The following LHFPL6 variants were observed in gnomAD, a reference collection of about 807,000 sequenced individuals.
LHFPL6 encodes LHFPL tetraspan subfamily member 6.
Under a neutral mutation model 20.6 loss-of-function variants are expected in LHFPL6, and 9 were observed. The observed-to-expected ratio is 0.44, with a 90% CI of 0.26 to 0.76. LHFPL6 has a LOEUF of 0.76. LHFPL6 is among the 30% of genes least tolerant of loss of function. The probability of loss-of-function intolerance (pLI) is 0.20; values close to 1 mark genes in which losing one functional copy is unlikely to be tolerated. For missense variants in LHFPL6, 218 were observed against 253.5 expected, an observed-to-expected ratio of 0.86 and a Z score of 0.95; for synonymous variants, 105 against 98.7, an observed-to-expected ratio of 1.06 and a Z score of -0.38.
chr13:39,560,235 T>G (rs1484475570), intron 2 of LHFPL6, among the ~76,000 whole-genome samples: 1 of 152,236 alleles, frequency 6.6e-6, no homozygotes, highest in African/African-American at 2.4e-5. Context: ...ATGAATTAAA[T>G]GAATGACTTC....
rs138279815 is a variant in LHFPL6 at position 39,482,378 on chromosome 13, G to A, written c.386-103852C>T. Reference sequence around the variant, plus strand: ...AGAATCATTTGAACCTAGGGGTGGAGGTTGTGGTGAGCCAAGATCGTGCCA... The same window carrying A: ...AGAATCATTTGAACCTAGGGGTGGAAGTTGTGGTGAGCCAAGATCGTGCCA... On this transcript the variant is annotated intron_variant, in intron 2 of 3. Transcript: ENST00000379589. 5.9e-5 allele frequency among the ~76,000 whole-genome samples: 9 copies of A among 152,188 alleles called. No individual in the cohort carries two copies. In the East Asian group the frequency reaches 1.5e-3, roughly 26 times the overall value.
In LHFPL6 at chr13:39,560,240, G is replaced by A. The variant is rs145299208; in HGVS notation, c.385+40592C>T. 3.7e-3 allele frequency among the ~76,000 whole-genome samples: 565 copies of A among 152,314 alleles called. 1 individual carries two copies. The highest frequency in any genetic ancestry group is 0.024 in the Middle Eastern group (7 of 294). On this transcript the variant is annotated intron_variant, in intron 2 of 3. Coordinates refer to ENST00000379589, the MANE Select transcript of LHFPL6 (RefSeq NM_005780.3). Reference sequence around the variant, plus strand: ...TAGTGCTTCAATGAATTAAATGAATGACTTCCTCTTCACAATTCTTTGATG... The same window carrying A: ...TAGTGCTTCAATGAATTAAATGAATAACTTCCTCTTCACAATTCTTTGATG...
At chr13:39,386,346 C>T (rs1262516134) in intron 2 of LHFPL6, among the ~76,000 whole-genome samples, 1 of 152,070 alleles carries the variant, frequency 6.6e-6, no homozygotes, top group African/African-American at 2.4e-5. Context: ...TTCTTCAGAC[C>T]CTGGAAACTC....
intron 2 of LHFPL6, among the ~76,000 whole-genome samples, chr13:39,387,195 C>A (rs112853243): frequency 6.6e-6 from 1 of 151,998 alleles, no homozygotes; most frequent in South Asian, 2.1e-4. Context: ...CTTTAAAATC[C>A]TCAGAAAAAT....
At chr13:39,478,980 T>C (rs1868401531) in intron 2 of LHFPL6, among the ~76,000 whole-genome samples, 1 of 150,958 alleles carries the variant, frequency 6.6e-6, no homozygotes, top group African/African-American at 2.4e-5. Flanking sequence ...TATATACATA[T>C]ATATAAAATG....
At chr13:39,567,678 G>A (rs9548827) in intron 2 of LHFPL6, among the ~76,000 whole-genome samples, 51,588 of 151,786 alleles carry the variant, frequency 0.34, 9,855 homozygotes, top group Non-Finnish European at 0.43. Flanking sequence ...TAGCTCTGTG[G>A]CCAAACAAAA....
chr13:39,563,916 A>G (rs1308129038), intron 2 of LHFPL6, among the ~76,000 whole-genome samples: 3 of 152,144 alleles, frequency 2.0e-5, no homozygotes, highest in Non-Finnish European at 4.4e-5. Context: ...AATAGACACT[A>G]TCCCCTAGGG....
At chr13:39,344,812 C>T (rs971491327) in intron 3 of LHFPL6, among the ~76,000 whole-genome samples, 2 of 152,150 alleles carry the variant, frequency 1.3e-5, no homozygotes, top group African/African-American at 4.8e-5. Context: ...GACAAAAAAG[C>T]TTCTCAGCAT....
intron 3 of LHFPL6, among the ~76,000 whole-genome samples, chr13:39,349,208 T>A (rs1272849607): frequency 6.6e-6 from 1 of 152,212 alleles, no homozygotes; most frequent in Non-Finnish European, 1.5e-5. Flanking sequence ...AAATAATTAT[T>A]AATTCAAAAA....
chr13:39,556,880 T>C (rs927345561), intron 2 of LHFPL6, among the ~76,000 whole-genome samples: 1 of 152,088 alleles, frequency 6.6e-6, no homozygotes, highest in African/African-American at 2.4e-5. Flanking sequence ...GAGGATCTCT[T>C]GAGCCCAGAA....
chr13:39,549,185 A>C (rs940127705), intron 2 of LHFPL6, among the ~76,000 whole-genome samples: 5 of 152,278 alleles, frequency 3.3e-5, no homozygotes, highest in African/African-American at 1.2e-4. Flanking sequence ...GAAAAAAAAA[A>C]TTGAAATCAC....
Position 39,569,148 on chromosome 13 carries a change from T to TGGACGGACGGACGGACGGACGGAC in LHFPL6, c.385+31683_385+31684insGTCCGTCCGTCCGTCCGTCCGTCC, listed in dbSNP as rs747576240. ...AAACACGGATGGATGGATGGATGGA[T>TGGACGGACGGACGGACGGACGGAC]GGACGGACGGATGGATGGATGGATG... On this transcript the variant is annotated intron_variant, in intron 2 of 3. Transcript: ENST00000379589. 2.8e-4 allele frequency among the ~76,000 whole-genome samples: 40 copies of TGGACGGACGGACGGACGGACGGAC among 144,496 alleles called. 2 individuals carry two copies. In the South Asian group the frequency reaches 5.6e-3, roughly 20 times the overall value. The allele number at this position is 144,496 out of a possible 152,430, so 94.8% of individuals were successfully genotyped here. A position where few individuals can be genotyped will look rare whatever the true frequency, so the allele number is the denominator to read the frequency against.
At chr13:39,473,051 T>C (rs916555409) in intron 2 of LHFPL6, among the ~76,000 whole-genome samples, 1 of 152,032 alleles carries the variant, frequency 6.6e-6, no homozygotes, top group African/African-American at 2.4e-5. Flanking sequence ...GAAGCAAAGG[T>C]GGGGCATGTG....
At chr13:39,400,371 T>G (rs1422191537) in intron 2 of LHFPL6, among the ~76,000 whole-genome samples, 1 of 152,238 alleles carries the variant, frequency 6.6e-6, no homozygotes, top group Non-Finnish European at 1.5e-5. Context: ...AATAGCCACA[T>G]GTGGCTGGTG....
intron 2 of LHFPL6, among the ~76,000 whole-genome samples, chr13:39,559,021 G>C (rs540924762): frequency 2.0e-5 from 3 of 152,192 alleles, no homozygotes; most frequent in African/African-American, 7.2e-5. Context: ...GAGCCTCCCC[G>C]ATGGAGAGGT....
At chr13:39,575,949 T>A (rs1018656410) in intron 2 of LHFPL6, among the ~76,000 whole-genome samples, 3 of 152,154 alleles carry the variant, frequency 2.0e-5, no homozygotes, top group African/African-American at 7.2e-5. Flanking sequence ...GGGCCAACAT[T>A]TACTTTCTAT....
At chr13:39,537,286 T>C (rs1870650771) in intron 2 of LHFPL6, among the ~76,000 whole-genome samples, 1 of 152,140 alleles carries the variant, frequency 6.6e-6, no homozygotes, top group Admixed American at 6.5e-5. Flanking sequence ...GGATGATGCA[T>C]CAAAACCTAG....
chr13:39,501,024 T>C (rs369150991), intron 2 of LHFPL6, among the ~76,000 whole-genome samples: 38 of 152,332 alleles, frequency 2.5e-4, no homozygotes, highest in South Asian at 6.2e-4. Context: ...CCAAGTGATG[T>C]TGATGCTCTC....
chr13:39,432,244 A>G (rs140058596), intron 2 of LHFPL6, among the ~76,000 whole-genome samples: 150 of 152,318 alleles, frequency 9.8e-4, no homozygotes, highest in African/African-American at 3.4e-3. Context: ...AACAGCACAA[A>G]TAATTTAAGA....
Sources: gnomAD v4.1 joint callset for allele counts (sites outside exome capture counted in the v4.1 genomes callset) on GRCh38, gnomAD v4.1.1 for gene constraint, MANE v1.5 for transcripts, NCBI Gene and HGNC (gene_info 2026-07-23, HGNC 2026-07-21) for gene names.